LINGO1: variants seen among roughly 807,000 people sequenced by gnomAD.
The protein encoded by LINGO1 is leucine-rich repeat and immunoglobulin-like domain-containing nogo receptor-interacting protein 1.
Under a neutral mutation model 37.3 loss-of-function variants are expected in LINGO1, and 11 were observed. The observed-to-expected ratio is 0.29, with a 90% confidence interval of 0.19 to 0.49. The LOEUF is 0.49. Among genes scored for constraint, LINGO1 ranks in the 20% least tolerant of loss-of-function variants. The pLI, the probability that LINGO1 is intolerant of heterozygous loss-of-function variation, is 0.99. For synonymous variants in LINGO1, 387 were observed against 403.0 expected, an observed-to-expected ratio of 0.96 and a Z score of 0.48; for missense variants, 585 against 878.2, an observed-to-expected ratio of 0.67 and a Z score of 4.22.
At chr15:77,622,187 T>G in intron 1 of LINGO1, among the ~76,000 whole-genome samples, 1 of 151,042 alleles carries the variant, frequency 6.6e-6, no homozygotes, top group African/African-American at 2.4e-5. Context: ...TGCCAAGAAA[T>G]GATGGGGAGA....
chr15:77,673,274 G>A (rs1055947407), intron 3 of LINGO1, among the ~76,000 whole-genome samples: 11 of 151,958 alleles, frequency 7.2e-5, no homozygotes, highest in Non-Finnish European at 1.5e-4. Context: ...ACTTTTAAGG[G>A]GTTAAATACA....
intron 2 of LINGO1, among the ~76,000 whole-genome samples, chr15:77,729,836 T>C (rs1038253958): frequency 1.3e-5 from 2 of 152,224 alleles, no homozygotes; most frequent in African/African-American, 2.4e-5. Flanking sequence ...ACCCTCTGTA[T>C]CCGTGTTCTA....
upstream of LINGO1, among the ~76,000 whole-genome samples, chr15:77,820,516 A>T (rs1167462979): frequency 6.6e-6 from 1 of 152,026 alleles, no homozygotes; most frequent in African/African-American, 2.4e-5. Flanking sequence ...GTGGCGGGGG[A>T]TGGGGGTCAG....
At chr15:77,810,952 G>A (rs576367047) in intron 1 of LINGO1, among the ~76,000 whole-genome samples, 3 of 152,048 alleles carry the variant, frequency 2.0e-5, no homozygotes, top group African/African-American at 4.8e-5. Flanking sequence ...AGGCCCTCCC[G>A]GATGTCCACA....
chr15:77,751,090 GCA>G (rs2076366844), intron 1 of LINGO1, among the ~76,000 whole-genome samples: 1 of 152,088 alleles, frequency 6.6e-6, no homozygotes, highest in Admixed American at 6.5e-5. Context: ...CCAGGGCGGG[GCA>G]CAGAGTGGGC....
intron 2 of LINGO1, among the ~76,000 whole-genome samples, chr15:77,689,493 G>GC (rs1455735297): frequency 2.5e-4 from 38 of 152,286 alleles, no homozygotes; most frequent in African/African-American, 8.9e-4. Context: ...CTAGAGAACT[G>GC]CCCTCCACAA....
At chr15:77,741,773 C>A (rs1336260945) in intron 1 of LINGO1, among the ~76,000 whole-genome samples, 1 of 152,260 alleles carries the variant, frequency 6.6e-6, no homozygotes, top group Non-Finnish European at 1.5e-5. Flanking sequence ...TCTGTGCAAC[C>A]AGCCCTGCCT....
intron 2 of LINGO1, among the ~76,000 whole-genome samples, chr15:77,723,844 C>G (rs975263052): frequency 6.6e-6 from 1 of 152,134 alleles, no homozygotes; most frequent in Non-Finnish European, 1.5e-5. Flanking sequence ...GGCAACAGTT[C>G]CAAACGGAGC....
intron 3 of LINGO1, among the ~76,000 whole-genome samples, chr15:77,665,692 C>T (rs1398989951): frequency 6.6e-6 from 1 of 152,216 alleles, no homozygotes; most frequent in East Asian, 1.9e-4. Flanking sequence ...CGCTGACCTG[C>T]CCACACCGCA....
intron 1 of LINGO1, among the ~76,000 whole-genome samples, chr15:77,769,149 C>T (rs1056485827): frequency 1.3e-5 from 2 of 152,220 alleles, no homozygotes; most frequent in Non-Finnish European, 2.9e-5. Context: ...CACAGAGCCA[C>T]AGAAGAGGCT....
intron 1 of LINGO1, among the ~76,000 whole-genome samples, chr15:77,631,777 C>G (rs562720457): frequency 2.6e-4 from 40 of 152,372 alleles, no homozygotes; most frequent in Admixed American, 1.8e-3. Context: ...TACTCCCCAT[C>G]TCCTTTTCAC....
upstream of LINGO1, among the ~76,000 whole-genome samples, chr15:77,699,528 A>ATCACCTG (rs2075745079): frequency 4.6e-3 from 7 of 1,512 alleles, no homozygotes; most frequent in Non-Finnish European, 8.6e-3. Flanking sequence ...TATTATCCCC[A>ATCACCTG]CACACAGTAA....
chr15:77,638,054 A>G (rs775452612), upstream of LINGO1, among the ~76,000 whole-genome samples: 13 of 152,276 alleles, frequency 8.5e-5, no homozygotes, highest in Non-Finnish European at 1.9e-4. Flanking sequence ...CAACGTAGTC[A>G]GCAGCCTCCC....
upstream of LINGO1, among the ~76,000 whole-genome samples, chr15:77,638,816 T>C (rs551422797): frequency 6.6e-6 from 1 of 152,308 alleles, no homozygotes; most frequent in East Asian, 1.9e-4. Flanking sequence ...GGACTCCCAG[T>C]GGTCCCTGCC....
chr15:77,619,180 C>T (rs1261591886), intron 1 of LINGO1, among the ~76,000 whole-genome samples: 4 of 152,082 alleles, frequency 2.6e-5, no homozygotes, highest in Non-Finnish European at 5.9e-5. Context: ...TGTGTCTCAC[C>T]TGCTAGAGAG....
intron 1 of LINGO1, among the ~76,000 whole-genome samples, chr15:77,819,862 C>A (rs1275994519): frequency 6.6e-6 from 1 of 151,434 alleles, no homozygotes; most frequent in Non-Finnish European, 1.5e-5. Context: ...GCGCCGGCCC[C>A]CTCCGCGGCG....
At chr15:77,820,731 C>T (rs919897999), upstream of LINGO1, 1 of 152,254 alleles carries the variant, frequency 6.6e-6, no homozygotes, top group Non-Finnish European at 1.5e-5. Context: ...GTTAGGTCCC[C>T]ATAGAAGGGG....
In LINGO1 at chr15:77,795,283, A is replaced by G. The variant is rs115149341; in HGVS notation, c.-343+656T>C. Reference sequence around the variant, plus strand: ...TCCCACTTCTCTGGAACATGCTGTCATTTCTCCACATCCCCTCACACGGAC... The same window carrying G: ...TCCCACTTCTCTGGAACATGCTGTCGTTTCTCCACATCCCCTCACACGGAC... On this transcript the variant is annotated intron_variant, in intron 2 of 5. Transcript: ENST00000562933. 3.6e-3 allele frequency among the ~76,000 whole-genome samples: 553 copies of G among 152,164 alleles called. 4 individuals are homozygous for G. The highest frequency in any genetic ancestry group is 0.013 in the African/African-American group (520 of 41,512).
intron 1 of LINGO1, among the ~76,000 whole-genome samples, chr15:77,694,152 C>T (rs909938094): frequency 1.3e-5 from 2 of 152,128 alleles, no homozygotes; most frequent in African/African-American, 2.4e-5. Context: ...TGAATCAGGG[C>T]TAGATTGCAC....
Sources: allele counts gnomAD v4.1 joint callset (sites outside exome capture counted in the v4.1 genomes callset), GRCh38; gene constraint gnomAD v4.1.1; transcripts MANE v1.5; gene names NCBI Gene and HGNC (gene_info 2026-07-23, HGNC 2026-07-21).